C3orf20: variants seen among roughly 807,000 people sequenced by gnomAD.
C3orf20 encodes the protein family with sequence similarity 149 member C.
Under a neutral mutation model 88.3 loss-of-function variants are expected in C3orf20, and 76 were observed. The observed-to-expected ratio is 0.86, with a 90% CI of 0.72 to 1.04. The LOEUF (loss-of-function observed/expected upper bound fraction) is 1.04. Ranked by LOEUF, C3orf20 falls within the 50% of genes least tolerant of loss-of-function variation. The pLI is 0.00. For missense variants in C3orf20, 1,056 were observed against 1,123.3 expected (o/e 0.94, Z 0.86); for synonymous variants, 436 against 437.4 (o/e 1.00, Z 0.04).
At chr3:14,718,269 C>G (rs184637248) in intron 9 of C3orf20, among the ~76,000 whole-genome samples, 1 of 152,172 alleles carries the variant, frequency 6.6e-6, no homozygotes, top group East Asian at 1.9e-4. Context: ...TGGATGATTT[C>G]TCTTGATCTG....
rs550344138 is a variant in C3orf20 at position 14,724,294 on chromosome 3, C to T, written c.1566+2510C>T. On this transcript the variant is annotated intron_variant, in intron 10 of 16. Transcript: ENST00000253697. Reference sequence around the variant, plus strand: ...AAAATTGTGGCAATGCTTCATTTTTCTGGCAACCTCTTGTCTGATTATCTC... The same window carrying T: ...AAAATTGTGGCAATGCTTCATTTTTTTGGCAACCTCTTGTCTGATTATCTC... 2.4e-4 allele frequency among the ~76,000 whole-genome samples: 37 copies of T among 152,286 alleles called. 1 individual carries two copies. Among genetic ancestry groups the T allele is most frequent in the Admixed American group, 2.0e-3 (30 of 15,296 alleles).
At chr3:14,717,094 G>C (rs2033970807) in intron 9 of C3orf20, among the ~76,000 whole-genome samples, 1 of 152,172 alleles carries the variant, frequency 6.6e-6, no homozygotes, top group African/African-American at 2.4e-5. Context: ...CTAAGTACTA[G>C]TGCCAACTTT....
chr3:14,694,311 G>A (rs2032871079), intron 5 of C3orf20, among the ~76,000 whole-genome samples: 1 of 152,084 alleles, frequency 6.6e-6, no homozygotes, highest in African/African-American at 2.4e-5. Flanking sequence ...TGAAGCTATT[G>A]GGTCCCAGGC....
chr3:14,717,656 T>C (rs1288568765), intron 9 of C3orf20, among the ~76,000 whole-genome samples: 1 of 152,206 alleles, frequency 6.6e-6, no homozygotes, highest in Admixed American at 6.5e-5. Context: ...TGTTTACTAT[T>C]TCCAGTGTTC....
intron 5 of C3orf20, among the ~76,000 whole-genome samples, chr3:14,702,141 AG>A (rs2033292145): frequency 6.6e-6 from 1 of 152,200 alleles, no homozygotes; most frequent in Admixed American, 6.5e-5. Context: ...GACATAGCTG[AG>A]GAGGCCCCAG....
intron 12 of C3orf20, 95 bp from the exon 13 acceptor site, chr3:14,757,276 G>T (rs745632963): frequency 6.3e-6 from 7 of 1,105,004 alleles, no homozygotes; most frequent in Non-Finnish European, 9.1e-6. Context: ...TCTGCCTGCA[G>T]CAGGGCCTTT....
intron 15 of C3orf20, among the ~76,000 whole-genome samples, chr3:14,771,026 C>G (rs1022361438): frequency 6.6e-5 from 10 of 152,222 alleles, no homozygotes; most frequent in African/African-American, 2.4e-4. Flanking sequence ...AGTGTGCCCC[C>G]CAAAGTTCAT....
At chr3:14,746,174 C>A (rs2035051845) in intron 12 of C3orf20, among the ~76,000 whole-genome samples, 1 of 152,120 alleles carries the variant, frequency 6.6e-6, no homozygotes, top group African/African-American at 2.4e-5. Flanking sequence ...ACACACAAAC[C>A]AGGCAGTCTT....
At chr3:14,746,364 A>G (rs1559437182) in intron 12 of C3orf20, among the ~76,000 whole-genome samples, 1 of 152,222 alleles carries the variant, frequency 6.6e-6, no homozygotes, top group East Asian at 1.9e-4. Flanking sequence ...TTAAGCTGCT[A>G]CTAGGTAAAT....
At chr3:14,730,196 G>A (rs982974261) in intron 12 of C3orf20, among the ~76,000 whole-genome samples, 15 of 152,202 alleles carry the variant, frequency 9.9e-5, no homozygotes, top group Non-Finnish European at 1.8e-4. Context: ...TTATGATTGT[G>A]AGATTTGTGC....
intron 9 of C3orf20, among the ~76,000 whole-genome samples, 157 bp from the exon 10 acceptor site, chr3:14,721,496 C>A (rs1411607278): frequency 6.6e-6 from 1 of 152,232 alleles, no homozygotes; most frequent in Non-Finnish European, 1.5e-5. Flanking sequence ...ATTTTTCTGT[C>A]TTCTCCATGA....
chr3:14,731,297 A>G (rs957854209), intron 12 of C3orf20, among the ~76,000 whole-genome samples: 1 of 152,164 alleles, frequency 6.6e-6, no homozygotes, highest in Non-Finnish European at 1.5e-5. Flanking sequence ...GGATTCATCC[A>G]TATTGTTACA....
At chr3:14,764,293 G>A (rs1328387796) in intron 15 of C3orf20, among the ~76,000 whole-genome samples, 3 of 152,064 alleles carry the variant, frequency 2.0e-5, no homozygotes, top group Admixed American at 6.6e-5. Context: ...AGGCAGATTC[G>A]TGAAACTATT....
chr3:14,681,002 A>C (rs1399833529), intron 1 of C3orf20, among the ~76,000 whole-genome samples: 2 of 152,258 alleles, frequency 1.3e-5, no homozygotes, highest in African/African-American at 4.8e-5. Context: ...ACTATCTGCA[A>C]ACCAGCAGGA....
chr3:14,730,691 G>A (rs867989459), intron 12 of C3orf20, among the ~76,000 whole-genome samples: 5 of 152,176 alleles, frequency 3.3e-5, no homozygotes, highest in South Asian at 2.1e-4. Context: ...CTGTCATTGA[G>A]TATGTGTATG....
Position 14,682,323 on chromosome 3 carries a change from C to T in C3orf20, c.-145C>T, listed in dbSNP as rs920509015. Reference sequence around the variant, plus strand: ...AGATCTTTCACCCTCGGATCTCTAGCTACAAAAGGTGCAATGGGACCTTTC... The same window carrying T: ...AGATCTTTCACCCTCGGATCTCTAGTTACAAAAGGTGCAATGGGACCTTTC... On this transcript the variant is annotated 5_prime_UTR_variant, in exon 2 of 17. Coordinates refer to ENST00000253697, the MANE Select transcript of C3orf20 (RefSeq NM_032137.5). The T allele has an allele frequency of 1.4e-4, 24 of 172,628 alleles. No individual in the cohort carries two copies. Among genetic ancestry groups the T allele is most frequent in the Non-Finnish European group, 2.5e-5 (2 of 80,788 alleles). 10.7% of individuals were successfully genotyped at this position (172,628 alleles called of 1,614,324 possible). A position where few individuals can be genotyped will look rare whatever the true frequency, so the allele number is the denominator to read the frequency against.
In C3orf20 at chr3:14,761,498, T is replaced by C. The variant is rs753033686; in HGVS notation, c.2378T>C (p.Phe793Ser). The stretch of plus-strand genomic sequence containing the variant: ...ATGTTTGCCGGGGGGAAGCTCATTT[T>C]TGGGGGCCGTGTTTTGAATGGATAT... ...ILMFAGGKLI[F>S]GGRVLNGYGL... The change falls in exon 15 of 17, where the codon TTT becomes TCT. Residue 793 changes from phenylalanine (F) to serine (S), a missense_variant. By Grantham distance (155) the Phe-to-Ser change is radical. Coordinates refer to ENST00000253697, the MANE Select transcript of C3orf20 (RefSeq NM_032137.5). The C allele has an allele frequency of 3.1e-6, 5 of 1,613,978 alleles. No homozygotes were observed. The highest frequency in any genetic ancestry group is 1.6e-4 in the Middle Eastern group (1 of 6,078).
chr3:14,707,146 G>C (rs985024441), intron 7 of C3orf20, among the ~76,000 whole-genome samples: 2 of 150,816 alleles, frequency 1.3e-5, no homozygotes, highest in African/African-American at 4.9e-5. Context: ...CTACTCAGGA[G>C]GCTGAGGCAG....
At chr3:14,692,282 C>T (rs1168515947) in intron 5 of C3orf20, among the ~76,000 whole-genome samples, 1 of 152,156 alleles carries the variant, frequency 6.6e-6, no homozygotes, top group Non-Finnish European at 1.5e-5. Context: ...ATTGCTGGAT[C>T]GCATAGTAGC....
Sources: allele counts gnomAD v4.1 joint callset (sites outside exome capture counted in the v4.1 genomes callset), GRCh38; gene constraint gnomAD v4.1.1; transcripts MANE v1.5; gene names NCBI Gene and HGNC (gene_info 2026-07-23, HGNC 2026-07-21).